The following MBD3 variants were observed in gnomAD, a reference collection of about 807,000 sequenced individuals.
The protein encoded by MBD3 is methyl-CpG-binding domain protein 3.
MBD3 carries 13 observed loss-of-function variants against 31.2 expected under a neutral mutation model. That is an observed-to-expected ratio of 0.42 (90% CI 0.27 to 0.66). The LOEUF (loss-of-function observed/expected upper bound fraction) is 0.66, where lower values mean the gene tolerates loss of function less well. Among genes scored for constraint, MBD3 ranks in the 30% least tolerant of loss-of-function variants. The probability of loss-of-function intolerance (pLI) is 0.26; values close to 1 mark genes in which losing one functional copy is unlikely to be tolerated. For synonymous variants in MBD3, 223 were observed against 187.4 expected (o/e 1.19, Z -1.55); for missense variants, 440 against 426.5 (o/e 1.03, Z -0.28).
In MBD3 at chr19:1,578,268, C is replaced by T; in HGVS notation, c.*5+67G>A. 6.3e-7 allele frequency: 1 copy of T among 1,595,508 alleles called. No individual in the cohort carries two copies. Among genetic ancestry groups the T allele is most frequent in the African/African-American group, 1.3e-5 (1 of 74,910 alleles). On this transcript the variant is annotated intron_variant, in intron 6 of 6. Coordinates refer to ENST00000434436, the MANE Select transcript of MBD3 (RefSeq NM_001281453.2). The surrounding 1 kb of genome is among the most constrained non-coding windows in gnomAD (Gnocchi z 6.1). The stretch of plus-strand genomic sequence containing the variant: ...GAGGCACCCGTCATCCCAAGCACAT[C>T]TGTGTTCACCAGGCAGTCCCCACTG...
At chr19:1,584,892 G>C (rs2060670832) in intron 2 of MBD3, 163 bp downstream of exon 2, 1 of 1,159,328 alleles carries the variant, frequency 8.6e-7, no homozygotes, top group Non-Finnish European at 1.2e-6. Flanking sequence ...CATGCGCCTT[G>C]CGCTCTGCAC....
intron 1 of MBD3, among the ~76,000 whole-genome samples, chr19:1,589,123 G>T (rs2060692369): frequency 6.6e-6 from 1 of 152,030 alleles, no homozygotes; most frequent in African/African-American, 2.4e-5. Flanking sequence ...CCTGAGATCA[G>T]GAGTTCGAGA....
rs1302326689 is a variant in MBD3, at chr19:1,576,183, C to CT, written c.*1980dup. The stretch of plus-strand genomic sequence containing the variant: ...ATGGGAAGAGGGAAACAGAGTGTCT[C>CT]TGAGTGCCGGGCAGATGAGGGGAGG... On this transcript the variant is annotated 3_prime_UTR_variant, in exon 7 of 7. Coordinates refer to ENST00000434436, the MANE Select transcript of MBD3 (RefSeq NM_001281453.2). 6.6e-6 allele frequency: 1 copy of CT among 152,546 alleles called. No homozygotes were observed. The highest frequency in any genetic ancestry group is 2.4e-5 in the African/African-American group (1 of 41,414). The allele number at this position is 152,546 out of a possible 1,614,324, so 9.4% of individuals were successfully genotyped here.
chr19:1,580,962 G>C, intron 5 of MBD3, 130 bp downstream of exon 5: 1 of 1,206,360 alleles, frequency 8.3e-7, no homozygotes, highest in Non-Finnish European at 1.2e-6. Context: ...CCTTGCCCTG[G>C]CTGTTTCTGT....
intron 1 of MBD3, among the ~76,000 whole-genome samples, chr19:1,591,570 T>C (rs1258988398): frequency 6.6e-6 from 1 of 152,032 alleles, no homozygotes; most frequent in African/African-American, 2.4e-5. Context: ...TTTACCCAGG[T>C]GCTCGGCACA....
rs114794380 is a variant in MBD3, at chr19:1,581,670, G to A, written c.500-401C>T. On this transcript the variant is annotated intron_variant, in intron 4 of 6. Transcript: ENST00000434436. Reference sequence around the variant, plus strand: ...TGTGCTGAGAGAACCACTTGAGCCCGGGAGGTAGAGGCTGCTGTGAGTAGT... The same window carrying A: ...TGTGCTGAGAGAACCACTTGAGCCCAGGAGGTAGAGGCTGCTGTGAGTAGT... 1,319 of 333,638 alleles carry A rather than the reference G, an allele frequency of 4.0e-3. 19 individuals carry two copies. Among genetic ancestry groups the A allele is most frequent in the African/African-American group, 0.026 (1,219 of 46,588 alleles). 20.7% of individuals were successfully genotyped at this position (333,638 alleles called of 1,614,324 possible).
intron 4 of MBD3, among the ~76,000 whole-genome samples, chr19:1,581,974 A>T (rs183585109): frequency 6.6e-6 from 1 of 152,054 alleles, no homozygotes; most frequent in African/African-American, 2.4e-5. Context: ...TCACCATGTT[A>T]GCCAGGATGA....
Position 1,578,949 on chromosome 19 carries a change from C to T in MBD3, c.678-411G>A, listed in dbSNP as rs1481994063. 6.6e-6 allele frequency among the ~76,000 whole-genome samples: 1 copy of T among 151,984 alleles called. No individual in the cohort carries two copies. Among genetic ancestry groups the T allele is most frequent in the Non-Finnish European group, 1.5e-5 (1 of 67,984 alleles). On this transcript the variant is annotated intron_variant, in intron 5 of 6. Transcript: ENST00000434436. This position sits in a 1 kb window ranked among gnomAD's most constrained non-coding sequence, Gnocchi z 6.1. ...CTGTAATCCCAGCACTTTGGGAGGC[C>T]GAGGTGGGCAGATCACTTGAGGTCA...
At chr19:1,591,403 C>A (rs1008947087) in intron 1 of MBD3, among the ~76,000 whole-genome samples, 1 of 152,208 alleles carries the variant, frequency 6.6e-6, no homozygotes, top group African/African-American at 2.4e-5. Context: ...CTCCCCAAAC[C>A]GGGACAGTCA....
chr19:1,580,609 C>G (rs1018511968), intron 5 of MBD3, among the ~76,000 whole-genome samples: 8 of 152,242 alleles, frequency 5.3e-5, no homozygotes, highest in Non-Finnish European at 1.0e-4. Flanking sequence ...TGGGTTCGGC[C>G]CTGAGGCCCC....
intron 1 of MBD3, chr19:1,591,874 C>A (rs1169886838): frequency 6.6e-6 from 1 of 152,128 alleles, no homozygotes; most frequent in African/African-American, 2.4e-5. Flanking sequence ...GTAACATCCA[C>A]GCAAAGACTA....
At chr19:1,587,140 T>C (rs2060683212) in intron 1 of MBD3, among the ~76,000 whole-genome samples, 2 of 151,962 alleles carry the variant, frequency 1.3e-5, no homozygotes, top group Middle Eastern at 6.8e-3. Flanking sequence ...TAATTTTTTA[T>C]ATTTTTAGTA....
Position 1,592,626 on chromosome 19 carries a change from C to A in MBD3, c.6G>T (p.Glu2Asp). The A allele has an allele frequency of 7.5e-7, 1 of 1,325,282 alleles. No homozygotes were observed. The highest frequency in any genetic ancestry group is 9.9e-7 in the Non-Finnish European group (1 of 1,008,704). 82.1% of individuals were successfully genotyped at this position (1,325,282 alleles called of 1,614,324 possible). ...GCGCCGGGCACTCCCACCTCTTCCG[C>A]TCCATTGCGCCCGGCTCCTCGGCCC... is the stretch of plus-strand genomic sequence containing the variant. Reference protein sequence around the residue: MERKRWECPALP... With the variant: MDRKRWECPALP... The change falls in exon 1 of 7, where the codon GAG (glutamate) becomes GAT (aspartate). Residue 2 changes from glutamate (E) to aspartate (D), a missense_variant. Physicochemically the swap from Glu to Asp is conservative, Grantham distance 45 (BLOSUM62 2). Transcript: ENST00000434436.
At chr19:1,579,489 C>T (rs1057509768) in intron 5 of MBD3, among the ~76,000 whole-genome samples, 8 of 152,100 alleles carry the variant, frequency 5.3e-5, no homozygotes, top group Admixed American at 3.9e-4. Flanking sequence ...CCTCCCTCTC[C>T]GGCTGCCCAA....
chr19:1,592,474 G>C (rs1428947263), intron 1 of MBD3, 48 bp downstream of exon 1: 1 of 1,088,234 alleles, frequency 9.2e-7, no homozygotes, highest in Non-Finnish European at 1.2e-6. Flanking sequence ...CGCAGAGGCC[G>C]CTGGGAGGAG....
chr19:1,582,677 G>T lies in MBD3; in HGVS notation c.444C>A (p.Ala148=). 1.2e-6 allele frequency: 2 copies of T among 1,614,092 alleles called. No homozygotes were observed. Among genetic ancestry groups the T allele is most frequent in the Non-Finnish European group, 1.7e-6 (2 of 1,180,018 alleles). The change falls in exon 4 of 7, where the codon GCC becomes GCA. Residue 148 remains alanine, a synonymous_variant. Transcript: ENST00000434436. The part of the protein sequence containing the change: ...FWEKKLSGLN[A]FDIAEELVKT... ...TGACCAGCTCCTCAGCAATGTCGAA[G>T]GCGTTCAGGCCGCTCAGCTTCTTCT...
chr19:1,577,251 C>T lies in MBD3; in HGVS notation c.*913G>A, dbSNP rs956927980. 2.0e-5 allele frequency: 3 copies of T among 152,346 alleles called. No individual in the cohort carries two copies. The highest frequency in any genetic ancestry group is 2.9e-5 in the Non-Finnish European group (2 of 68,118). The allele number at this position is 152,346 out of a possible 1,614,324, so 9.4% of individuals were successfully genotyped here. A position where few individuals can be genotyped will look rare whatever the true frequency, so the allele number is the denominator to read the frequency against. ...CTTGGAACCTGCCCTCGCCAAGGCACTGGGGGGTTAAGGAGCAGATCCCTC... is the reference window on the plus strand; with the variant it reads ...CTTGGAACCTGCCCTCGCCAAGGCATTGGGGGGTTAAGGAGCAGATCCCTC... On this transcript the variant is annotated 3_prime_UTR_variant, in exon 7 of 7. Transcript: ENST00000434436.
chr19:1,583,029 C>G (rs982621377), intron 3 of MBD3, among the ~76,000 whole-genome samples: 1 of 151,868 alleles, frequency 6.6e-6, no homozygotes, highest in Non-Finnish European at 1.5e-5. Flanking sequence ...CATGGTGAAA[C>G]CCCTTATCTA....
chr19:1,584,147 G>A (rs1016725380), intron 3 of MBD3, among the ~76,000 whole-genome samples: 1 of 152,054 alleles, frequency 6.6e-6, no homozygotes. Flanking sequence ...TTTCTGAGGG[G>A]CCTGAACATC....
Sources: gnomAD v4.1 joint callset for allele counts (sites outside exome capture counted in the v4.1 genomes callset) on GRCh38, gnomAD v4.1.1 for gene constraint, Gnocchi (gnomAD v3.1) non-coding constraint, MANE v1.5 for transcripts, NCBI Gene and HGNC (gene_info 2026-07-23, HGNC 2026-07-21) for gene names.